Variants in TNFAIP8 observed in about 807,000 individuals in gnomAD.
TNFAIP8 encodes the protein TNF alpha induced protein 8.
TNFAIP8 carries 7 observed loss-of-function variants against 13.3 expected under a neutral mutation model. The ratio of observed to expected loss-of-function variants is 0.52; its 90% CI spans 0.30 to 0.99. The LOEUF (loss-of-function observed/expected upper bound fraction) is 0.99. Ranked by LOEUF, TNFAIP8 falls within the 50% of genes least tolerant of loss-of-function variation. The probability of loss-of-function intolerance (pLI) is 0.07; values close to 1 mark genes in which losing one functional copy is unlikely to be tolerated. For missense variants in TNFAIP8, 258 were observed against 236.9 expected, an observed-to-expected ratio of 1.09 and a Z score of -0.58; for synonymous variants, 94 against 87.6, an observed-to-expected ratio of 1.07 and a Z score of -0.41.
At chr5:119,338,703 C>T (rs1283341616) in intron 1 of TNFAIP8, among the ~76,000 whole-genome samples, 1 of 152,214 alleles carries the variant, frequency 6.6e-6, no homozygotes, top group South Asian at 2.1e-4. Context: ...CAGGATGTTA[C>T]ATCCGTTGTG....
rs183105250 is a variant in TNFAIP8, at chr5:119,281,787, C to G, written c.1+12880C>G. On this transcript the variant is annotated intron_variant, in intron 1 of 1. Transcript: ENST00000274456. ...ATCACTTGTCCTCATATCAGTGTCTCTAGACATTTTGATTGAAGCTCTTTC... is the reference window on the plus strand; with the variant it reads ...ATCACTTGTCCTCATATCAGTGTCTGTAGACATTTTGATTGAAGCTCTTTC... Among the ~76,000 whole-genome samples the G allele has an allele frequency of 8.0e-4, 122 of 152,254 alleles. 2 individuals are homozygous for G. The East Asian group carries it at 0.013, about 17-fold the overall frequency.
At chr5:119,390,830 T>A (rs570703356) in intron 1 of TNFAIP8, among the ~76,000 whole-genome samples, 7 of 152,106 alleles carry the variant, frequency 4.6e-5, no homozygotes, top group Non-Finnish European at 7.4e-5. Flanking sequence ...TAATTTTAAT[T>A]TTTTCTGAGA....
At chr5:119,321,777 A>T (rs1029162809) in intron 1 of TNFAIP8, among the ~76,000 whole-genome samples, 1 of 152,174 alleles carries the variant, frequency 6.6e-6, no homozygotes, top group African/African-American at 2.4e-5. Flanking sequence ...GTCCTTGTGC[A>T]ATGAGAATGG....
At chr5:119,277,046 A>G (rs1349946000) in intron 1 of TNFAIP8, among the ~76,000 whole-genome samples, 1 of 152,262 alleles carries the variant, frequency 6.6e-6, no homozygotes, top group Non-Finnish European at 1.5e-5. Context: ...ATAAAATAGA[A>G]CAATTATAAC....
chr5:119,397,321 A>G lies in TNFAIP8; in HGVS notation c.*3940A>G, dbSNP rs1267933884. On this transcript the variant is annotated 3_prime_UTR_variant, in exon 2 of 2. Transcript: ENST00000504771. The stretch of plus-strand genomic sequence containing the variant: ...AAATGGTAAATAAAAGAATATGTTT[A>G]TCCAAATGATGAAATATTTGTAGTA... The G allele has an allele frequency of 6.6e-6, 1 of 152,234 alleles. No homozygotes were observed. The highest frequency in any genetic ancestry group is 1.5e-5 in the Non-Finnish European group (1 of 68,040). The allele number at this position is 152,234 out of a possible 1,614,324, so 9.4% of individuals were successfully genotyped here.
rs761877022 is a variant in TNFAIP8, at chr5:119,329,170, T to G, written c.1+60263T>G. On this transcript the variant is annotated intron_variant, in intron 1 of 1. Transcript: ENST00000274456. ...CTTGGATGGCCCTGTTTTCCTCGCT[T>G]GTGAAATGAGGTTAGATGGTATCAG... Among the ~76,000 whole-genome samples, 129 of 152,368 alleles carry G rather than the reference T, an allele frequency of 8.5e-4. 3 individuals are homozygous for G. Among genetic ancestry groups the G allele is most frequent in the Middle Eastern group, 3.4e-3 (1 of 294 alleles).
At chr5:119,385,342 T>G (rs937898292) in intron 1 of TNFAIP8, among the ~76,000 whole-genome samples, 1 of 152,144 alleles carries the variant, frequency 6.6e-6, no homozygotes, top group Non-Finnish European at 1.5e-5. Context: ...AGAAACTGCA[T>G]GAGAACGCTG....
intron 1 of TNFAIP8, among the ~76,000 whole-genome samples, chr5:119,290,873 A>T (rs1748961603): frequency 1.3e-5 from 2 of 152,188 alleles, no homozygotes; most frequent in Non-Finnish European, 2.9e-5. Flanking sequence ...AGGGACATTA[A>T]TGGAGCAGTG....
intron 1 of TNFAIP8, among the ~76,000 whole-genome samples, chr5:119,324,873 A>G (rs1445392111): frequency 7.2e-5 from 11 of 151,948 alleles, no homozygotes; most frequent in Non-Finnish European, 1.3e-4. Flanking sequence ...CTTTGCTTTT[A>G]TATATTGTTT....
chr5:119,362,518 A>G (rs114619506), intron 1 of TNFAIP8, among the ~76,000 whole-genome samples: 1,575 of 152,314 alleles, frequency 0.01, 20 homozygotes, highest in Non-Finnish European at 0.016. Context: ...AATTAAGGCT[A>G]GGCACAATGG....
chr5:119,338,822 G>A (rs1750642699), intron 1 of TNFAIP8, among the ~76,000 whole-genome samples: 1 of 152,188 alleles, frequency 6.6e-6, no homozygotes, highest in Admixed American at 6.5e-5. Flanking sequence ...GCAGTTCAGT[G>A]ATGTCAAGAA....
chr5:119,303,311 A>T (rs894246368), intron 1 of TNFAIP8, among the ~76,000 whole-genome samples: 2 of 152,216 alleles, frequency 1.3e-5, no homozygotes, highest in Admixed American at 1.3e-4. Flanking sequence ...TTTGGAAGTC[A>T]GAGGCTTGGG....
chr5:119,328,451 A>G (rs1410847485), intron 1 of TNFAIP8, among the ~76,000 whole-genome samples: 1 of 152,226 alleles, frequency 6.6e-6, no homozygotes, highest in East Asian at 1.9e-4. Context: ...CATTCTCTGG[A>G]TTGTTGTCTT....
At chr5:119,281,119 C>T (rs1748612315) in intron 1 of TNFAIP8, among the ~76,000 whole-genome samples, 1 of 152,060 alleles carries the variant, frequency 6.6e-6, no homozygotes. Flanking sequence ...TTGTCTTGTA[C>T]ATTTCTTGCC....
Position 119,356,066 on chromosome 5 carries a change from C to G in TNFAIP8, c.-25C>G, listed in dbSNP as rs545125698. On this transcript the variant is annotated 5_prime_UTR_variant, in exon 1 of 2. Coordinates refer to ENST00000504771, the MANE Select transcript of TNFAIP8 (RefSeq NM_014350.4). ...CCGAGTACATGTGAGCGGTAATCGC[C>G]CCTGCAGCTGGTTATCCTGACATTA... is the stretch of plus-strand genomic sequence containing the variant. 3 of 1,573,068 alleles carry G rather than the reference C, an allele frequency of 1.9e-6. No individual in the cohort carries two copies. The highest frequency in any genetic ancestry group is 1.2e-5 in the South Asian group (1 of 86,070).
chr5:119,377,508 C>T (rs990789156), intron 1 of TNFAIP8, among the ~76,000 whole-genome samples: 1 of 134,358 alleles, frequency 7.4e-6, no homozygotes, highest in African/African-American at 2.8e-5. Context: ...GAGCTCCAAA[C>T]TGGTATGGAG....
At chr5:119,369,943 C>A (rs927424446) in intron 1 of TNFAIP8, among the ~76,000 whole-genome samples, 1 of 152,176 alleles carries the variant, frequency 6.6e-6, no homozygotes, top group Non-Finnish European at 1.5e-5. Flanking sequence ...TCACTTCTTA[C>A]TCTTTTGAAA....
At chr5:119,370,937 G>T (rs913984314) in intron 1 of TNFAIP8, among the ~76,000 whole-genome samples, 6 of 152,300 alleles carry the variant, frequency 3.9e-5, no homozygotes, top group East Asian at 1.9e-4. Flanking sequence ...GGATTCTGTA[G>T]CTTGCTTTTT....
At chr5:119,390,501 CAT>C (rs1395960398) in intron 1 of TNFAIP8, among the ~76,000 whole-genome samples, 14 of 152,216 alleles carry the variant, frequency 9.2e-5, no homozygotes, top group African/African-American at 2.9e-4. Context: ...ATGATAAAAA[CAT>C]AAAACATTAA....
Sources: gnomAD v4.1 joint callset for allele counts (sites outside exome capture counted in the v4.1 genomes callset) on GRCh38, gnomAD v4.1.1 for gene constraint, MANE v1.5 for transcripts, NCBI Gene and HGNC (gene_info 2026-07-23, HGNC 2026-07-21) for gene names.